RIMS2: variants seen among roughly 807,000 people sequenced by gnomAD.
The protein encoded by RIMS2 is regulating synaptic membrane exocytosis 2.
A neutral mutation model predicts 174.4 loss-of-function variants in RIMS2; 59 were observed. That is an observed-to-expected ratio of 0.34 (90% CI 0.27 to 0.42). The LOEUF is 0.42. RIMS2 is among the 10% of genes least tolerant of loss of function. The pLI is 1.00. For missense variants in RIMS2, 1,620 were observed against 1,666.3 expected, an observed-to-expected ratio of 0.97 and a Z score of 0.48; for synonymous variants, 606 against 572.5, an observed-to-expected ratio of 1.06 and a Z score of -0.84.
intron 1 of RIMS2, among the ~76,000 whole-genome samples, chr8:103,505,870 G>A (rs564839665): frequency 6.6e-6 from 1 of 152,160 alleles, no homozygotes; most frequent in South Asian, 2.1e-4. Flanking sequence ...ACAGCCATTT[G>A]TATTCCCTTT....
intron 15 of RIMS2, among the ~76,000 whole-genome samples, chr8:103,967,713 A>G (rs907161969): frequency 2.6e-5 from 4 of 152,104 alleles, no homozygotes; most frequent in Admixed American, 6.5e-5. Context: ...CTCTCTTGTT[A>G]GATGCATACA....
chr8:103,970,793 C>G (rs978907156), intron 15 of RIMS2, among the ~76,000 whole-genome samples: 12 of 152,152 alleles, frequency 7.9e-5, no homozygotes, highest in African/African-American at 2.9e-4. Context: ...CTTTTTCAGT[C>G]TGTTCAGCTT....
intron 2 of RIMS2, among the ~76,000 whole-genome samples, chr8:103,750,910 C>T (rs774096298): frequency 1.3e-5 from 2 of 152,102 alleles, no homozygotes; most frequent in Non-Finnish European, 2.9e-5. Context: ...TGAATTCCCA[C>T]GTGTTGTGGG....
chr8:104,158,302 G>T (rs1372883524), intron 19 of RIMS2, among the ~76,000 whole-genome samples: 1 of 152,118 alleles, frequency 6.6e-6, no homozygotes, highest in Non-Finnish European at 1.5e-5. Context: ...TATTATTGAT[G>T]GACCTTTGGG....
At chr8:103,891,771 T>G (rs2099247381) in intron 4 of RIMS2, among the ~76,000 whole-genome samples, 1 of 152,084 alleles carries the variant, frequency 6.6e-6, no homozygotes, top group South Asian at 2.1e-4. Context: ...CACAACACAC[T>G]TTTACTTACT....
At chr8:103,680,717 G>A (rs778416304) in intron 1 of RIMS2, among the ~76,000 whole-genome samples, 3 of 151,870 alleles carry the variant, frequency 2.0e-5, no homozygotes, top group Non-Finnish European at 4.4e-5. Flanking sequence ...GCAGTTCATC[G>A]GAAGGGCAGT....
At chr8:103,585,899 A>G (rs1456336300) in intron 1 of RIMS2, among the ~76,000 whole-genome samples, 3 of 150,048 alleles carry the variant, frequency 2.0e-5, no homozygotes, top group African/African-American at 7.4e-5. Flanking sequence ...GAAAAATTTT[A>G]AAAAATTGCA....
At chr8:103,786,139 C>T (rs200915457) in intron 3 of RIMS2, among the ~76,000 whole-genome samples, 13 of 152,084 alleles carry the variant, frequency 8.5e-5, no homozygotes, top group South Asian at 6.2e-4. Context: ...TTTTTTATTG[C>T]GTCTATTTGA....
In RIMS2 at chr8:103,912,137, G is replaced by C. The variant is rs200160054; in HGVS notation, c.1777G>C (p.Val593Leu). ...AAATAAGCGTCTAAAAGATGGAAGT[G>C]TACCTCGAGATTCAGGAGCAATGCT... The change falls in exon 6 of 24, where the codon GTA (valine) becomes CTA (leucine). Residue 593 changes from valine to leucine, a missense_variant. Physicochemically the swap from Val to Leu is conservative, Grantham distance 32. Coordinates refer to ENST00000504942, the Ensembl canonical transcript of RIMS2. The C allele has an allele frequency of 1.9e-3, 3,013 of 1,607,600 alleles. 5 individuals are homozygous for C. Among genetic ancestry groups the C allele is most frequent in the Non-Finnish European group, 2.4e-3 (2,807 of 1,175,626 alleles).
intron 19 of RIMS2, among the ~76,000 whole-genome samples, chr8:104,177,721 C>T (rs183348850): frequency 2.6e-5 from 4 of 152,130 alleles, no homozygotes; most frequent in East Asian, 3.9e-4. Context: ...TAGATATAGA[C>T]TATAAGTAAC....
At chr8:104,186,110 T>C (rs1219834219) in intron 19 of RIMS2, among the ~76,000 whole-genome samples, 1 of 151,714 alleles carries the variant, frequency 6.6e-6, no homozygotes, top group Non-Finnish European at 1.5e-5. Flanking sequence ...CTGGAGACTA[T>C]TATCTTAAGT....
chr8:103,527,544 C>G (rs1160665144), intron 1 of RIMS2, among the ~76,000 whole-genome samples: 1 of 151,988 alleles, frequency 6.6e-6, no homozygotes, highest in African/African-American at 2.4e-5. Context: ...TCCCCCATCC[C>G]CCCTCCCCAC....
intron 3 of RIMS2, chr8:103,819,244 A>T: frequency 7.8e-7 from 1 of 1,275,924 alleles, no homozygotes; most frequent in Non-Finnish European, 9.9e-7. Context: ...AATGCCCAAA[A>T]AGCTTACTGC....
intron 19 of RIMS2, among the ~76,000 whole-genome samples, chr8:104,190,078 G>A (rs531816221): frequency 1.3e-5 from 2 of 152,048 alleles, no homozygotes; most frequent in African/African-American, 4.8e-5. Context: ...CTGAGGGGGA[G>A]GATTACTTGA....
At chr8:103,680,817 A>G (rs1364743990) in intron 1 of RIMS2, among the ~76,000 whole-genome samples, 1 of 151,944 alleles carries the variant, frequency 6.6e-6, no homozygotes, top group East Asian at 1.9e-4. Context: ...AAAATTTAAA[A>G]AGTTGAGTAA....
chr8:104,221,576 A>T (rs1259458019), intron 19 of RIMS2, among the ~76,000 whole-genome samples: 1 of 152,190 alleles, frequency 6.6e-6, no homozygotes, highest in African/African-American at 2.4e-5. Flanking sequence ...AAATGCTGAT[A>T]TTTGAGGAAG....
chr8:103,728,628 T>C (rs2097551709), intron 2 of RIMS2, among the ~76,000 whole-genome samples: 1 of 151,956 alleles, frequency 6.6e-6, no homozygotes. Context: ...TTGGGGGATG[T>C]ACCCTTCTTT....
intron 1 of RIMS2, among the ~76,000 whole-genome samples, chr8:103,587,389 GAC>G (rs2093984273): frequency 7.6e-6 from 1 of 131,206 alleles, no homozygotes; most frequent in Non-Finnish European, 1.6e-5. Context: ...CAAAACCAAA[GAC>G]ACATCAGGAA....
chr8:103,681,232 G>C (rs1443607893), intron 1 of RIMS2, among the ~76,000 whole-genome samples: 2 of 151,976 alleles, frequency 1.3e-5, no homozygotes, highest in African/African-American at 4.8e-5. Context: ...CTTGTCTGTA[G>C]AATAGGGACA....
Sources: allele counts gnomAD v4.1 joint callset (sites outside exome capture counted in the v4.1 genomes callset), GRCh38; gene constraint gnomAD v4.1.1; transcripts MANE v1.5; gene names NCBI Gene and HGNC (gene_info 2026-07-23, HGNC 2026-07-21).